The following KIFC3 variants were observed in gnomAD, a reference collection of about 807,000 sequenced individuals.
KIFC3 encodes kinesin-like protein KIFC3.
A neutral mutation model predicts 101.8 loss-of-function variants in KIFC3; 60 were observed. The observed-to-expected ratio is 0.59, with a 90% CI of 0.48 to 0.73. The LOEUF (loss-of-function observed/expected upper bound fraction) is 0.73, where lower values mean the gene tolerates loss of function less well. KIFC3 is among the 30% of genes least tolerant of loss of function. KIFC3 has a pLI of 0.00. For missense variants in KIFC3, 966 were observed against 1,137.1 expected, an observed-to-expected ratio of 0.85 and a Z score of 2.16; for synonymous variants, 476 against 482.7, an observed-to-expected ratio of 0.99 and a Z score of 0.18.
At chr16:57,759,084 C>G in intron 19 of KIFC3, 41 bp downstream of exon 19, 1 of 1,548,432 alleles carries the variant, frequency 6.5e-7, no homozygotes, top group Non-Finnish European at 8.7e-7. Context: ...CCACTGCGGG[C>G]AGGCAGGCGG....
chr16:57,758,548 G>A lies in KIFC3; in HGVS notation c.*386C>T, dbSNP rs1555590734. The A allele has an allele frequency of 6.5e-6, 4 of 615,318 alleles. No homozygotes were observed. The highest frequency in any genetic ancestry group is 5.4e-5 in the African/African-American group (3 of 55,274). 38.1% of individuals were successfully genotyped at this position (615,318 alleles called of 1,614,324 possible). Reference sequence around the variant, plus strand: ...AGGCTCCTCGCCCACCCCCTAAGGAGGGGGCTGGCCAGCTCTGCAAGCTGA... The same window carrying A: ...AGGCTCCTCGCCCACCCCCTAAGGAAGGGGCTGGCCAGCTCTGCAAGCTGA... On this transcript the variant is annotated 3_prime_UTR_variant, in exon 20 of 20. Transcript: ENST00000445690.
rs1196632053 is a variant in KIFC3 at position 57,847,182 on chromosome 16, TGAAGGAAGGAGGGAAGGAAGGAAG to T, written c.108+15523_108+15546del. On this transcript the variant is annotated intron_variant, in intron 1 of 2. Transcript: ENST00000563028. ...CTGAGGTGACAGAGCAATGAATCTG[TGAAGGAAGGAGGGAAGGAAGGAAG>T]GAAGGAAGGAAGGAAGGAAGGAAGG... 6.1e-5 allele frequency among the ~76,000 whole-genome samples: 8 copies of T among 130,598 alleles called. 1 individual carries two copies. Among genetic ancestry groups the T allele is most frequent in the African/African-American group, 8.9e-5 (3 of 33,622 alleles). 85.7% of individuals were successfully genotyped at this position (130,598 alleles called of 152,430 possible).
chr16:57,769,616 G>A lies in KIFC3; in HGVS notation c.1197C>T (p.Ala399=). 1.2e-6 allele frequency: 2 copies of A among 1,610,930 alleles called. No homozygotes were observed. Among genetic ancestry groups the A allele is most frequent in the South Asian group, 1.1e-5 (1 of 90,986 alleles). The part of the protein sequence containing the change: ...VRGFPLLLQE[A]LRSVKAEIGQ... ...TCACCTCGGCCTTGACACTCCTGAG[G>A]GCCTCCTGCAGCAGCAGTGGGAAGC... Residue 399 remains alanine (A), a synonymous_variant, in exon 9 of 20, where the codon GCC becomes GCT. Transcript: ENST00000445690. The surrounding 1 kb of genome is among the most constrained non-coding windows in gnomAD (Gnocchi z 4.3).
intron 18 of KIFC3, chr16:57,759,400 G>T: frequency 1.7e-6 from 1 of 597,626 alleles, no homozygotes; most frequent in South Asian, 2.0e-5. Flanking sequence ...TGCAGGGGCT[G>T]CTCTGGAGGG....
At chr16:57,829,709 T>G (rs914273285) in intron 1 of KIFC3, among the ~76,000 whole-genome samples, 3 of 152,192 alleles carry the variant, frequency 2.0e-5, no homozygotes, top group Non-Finnish European at 2.9e-5. Flanking sequence ...CAAAGAATCC[T>G]CCAGCCTCTT....
At chr16:57,810,455 C>A (rs2055042529) in intron 1 of KIFC3, among the ~76,000 whole-genome samples, 1 of 152,206 alleles carries the variant, frequency 6.6e-6, no homozygotes, top group Non-Finnish European at 1.5e-5. Context: ...TAACTAGACT[C>A]CCACAGCTCT....
chr16:57,855,594 ACTAT>A (rs1479456349), intron 1 of KIFC3, among the ~76,000 whole-genome samples: 1 of 152,034 alleles, frequency 6.6e-6, no homozygotes, highest in Non-Finnish European at 1.5e-5. Context: ...AACCTAAGAA[ACTAT>A]CATAAGAACA....
At chr16:57,857,557 C>T (rs1460995450) in intron 1 of KIFC3, among the ~76,000 whole-genome samples, 1 of 151,910 alleles carries the variant, frequency 6.6e-6, no homozygotes, top group Non-Finnish European at 1.5e-5. Context: ...GCCTCCCACC[C>T]CCTAACATGC....
intron 1 of KIFC3, among the ~76,000 whole-genome samples, chr16:57,840,858 A>T (rs1365766245): frequency 1.3e-5 from 2 of 151,906 alleles, no homozygotes; most frequent in African/African-American, 4.8e-5. Context: ...ACGCAAGACA[A>T]TGTCAAACCT....
chr16:57,763,677 C>T (rs1004767929), intron 12 of KIFC3, among the ~76,000 whole-genome samples: 1 of 152,128 alleles, frequency 6.6e-6, no homozygotes, highest in South Asian at 2.1e-4. Flanking sequence ...CCAGGGACCA[C>T]CGGCAAGAGC....
intron 1 of KIFC3, among the ~76,000 whole-genome samples, chr16:57,837,674 A>G (rs1426708956): frequency 6.6e-6 from 1 of 152,130 alleles, no homozygotes; most frequent in African/African-American, 2.4e-5. Flanking sequence ...GTGGGCAGAC[A>G]TGTGTCCTCA....
intron 3 of KIFC3, among the ~76,000 whole-genome samples, chr16:57,794,375 C>G (rs1555621709): frequency 3.3e-5 from 5 of 151,414 alleles, no homozygotes; most frequent in Non-Finnish European, 4.4e-5. Flanking sequence ...ATAGGAACCA[C>G]CATGCCCAGC....
At position 57,771,706 on chromosome 16, in the gene KIFC3, AG is replaced by A. The variant is rs782390498; in HGVS notation, c.382-21del. The A allele has an allele frequency of 1.9e-6, 3 of 1,605,142 alleles. No individual in the cohort carries two copies. The highest frequency in any genetic ancestry group is 3.4e-5 in the Admixed American group (2 of 58,866). On this transcript the variant is annotated intron_variant, in intron 4 of 19. Coordinates refer to ENST00000445690, the MANE Select transcript of KIFC3 (RefSeq NM_001130100.2). ...GCCCCCCTGCAGAGAGCCAGGGCCG[AG>A]GGGGCGCATGTGGCGAGGGCAGATG...
upstream of KIFC3, among the ~76,000 whole-genome samples, chr16:57,804,214 C>T (rs2054879573): frequency 6.6e-6 from 1 of 152,350 alleles, no homozygotes; most frequent in South Asian, 2.1e-4. Context: ...ATGCTGCCAA[C>T]ACTTTAGAAG....
intron 9 of KIFC3, among the ~76,000 whole-genome samples, chr16:57,768,536 C>CACACACACACACACACACAT (rs1555604749): frequency 6.6e-6 from 1 of 151,786 alleles, no homozygotes; most frequent in Non-Finnish European, 1.5e-5. Context: ...CACACACACA[C>CACACACACACACACACACAT]GCACAATTGG....
At chr16:57,766,761 A>G in intron 10 of KIFC3, 113 bp downstream of exon 10, 1 of 664,270 alleles carries the variant, frequency 1.5e-6, no homozygotes, top group Non-Finnish European at 2.6e-6. Flanking sequence ...TTCCTTATCT[A>G]CAGAGATAGG....
chr16:57,847,475 G>A (rs933491490), intron 1 of KIFC3, among the ~76,000 whole-genome samples: 5 of 152,092 alleles, frequency 3.3e-5, no homozygotes, highest in African/African-American at 1.2e-4. Flanking sequence ...TGCAGCTGGT[G>A]TCACAGAGAA....
chr16:57,801,414 T>G (rs1187342984), intron 1 of KIFC3, among the ~76,000 whole-genome samples: 1 of 152,186 alleles, frequency 6.6e-6, no homozygotes, highest in Non-Finnish European at 1.5e-5. Context: ...CTGGTGCCCC[T>G]GTGAACAGCA....
upstream of KIFC3, among the ~76,000 whole-genome samples, chr16:57,806,821 A>T (rs185999794): frequency 3.3e-5 from 5 of 152,346 alleles, no homozygotes; most frequent in East Asian, 9.6e-4. Context: ...TTCTGGAGTG[A>T]GCCGCATATT....
Sources: gnomAD v4.1 joint callset for allele counts (sites outside exome capture counted in the v4.1 genomes callset) on GRCh38, gnomAD v4.1.1 for gene constraint, Gnocchi (gnomAD v3.1) non-coding constraint, MANE v1.5 for transcripts, NCBI Gene and HGNC (gene_info 2026-07-23, HGNC 2026-07-21) for gene names.